Variants in DLEU7 observed in about 807,000 individuals in gnomAD.
DLEU7 encodes deleted in lymphocytic leukemia 7.
Under a neutral mutation model 16.0 loss-of-function variants are expected in DLEU7, and 17 were observed. The ratio of observed to expected loss-of-function variants is 1.06; its 90% confidence interval spans 0.73 to 1.59. The LOEUF is 1.59. Among genes scored for constraint, DLEU7 ranks in the 40% most tolerant of loss-of-function variants. DLEU7 has a pLI of 0.00. For missense variants in DLEU7, 308 were observed against 314.9 expected, an observed-to-expected ratio of 0.98 and a Z score of 0.17; for synonymous variants, 113 against 139.8, an observed-to-expected ratio of 0.81 and a Z score of 1.35.
At chr13:50,764,310 G>T (rs1196708209) in intron 1 of DLEU7, among the ~76,000 whole-genome samples, 1 of 152,112 alleles carries the variant, frequency 6.6e-6, no homozygotes, top group Non-Finnish European at 1.5e-5. Context: ...AACAGTCTTG[G>T]TTTCCTTCTT....
intron 1 of DLEU7, among the ~76,000 whole-genome samples, chr13:50,754,464 T>G (rs1874690840): frequency 6.6e-6 from 1 of 152,232 alleles, no homozygotes; most frequent in Non-Finnish European, 1.5e-5. Flanking sequence ...GCTTCAAAGT[T>G]TGTTTTGTCT....
chr13:50,753,700 C>G (rs1022586751), intron 1 of DLEU7, among the ~76,000 whole-genome samples: 1 of 152,220 alleles, frequency 6.6e-6, no homozygotes, highest in Non-Finnish European at 1.5e-5. Context: ...TCCACACCTC[C>G]CTGCAAGCTG....
intron 1 of DLEU7, among the ~76,000 whole-genome samples, chr13:50,837,977 G>C (rs1877526826): frequency 6.6e-6 from 1 of 152,156 alleles, no homozygotes; most frequent in African/African-American, 2.4e-5. Flanking sequence ...TGGACCAAAA[G>C]GGTCAGCGGA....
intron 1 of DLEU7, among the ~76,000 whole-genome samples, chr13:50,754,159 T>C (rs1013351455): frequency 6.6e-6 from 1 of 152,224 alleles, no homozygotes; most frequent in African/African-American, 2.4e-5. Flanking sequence ...GATTATTGGA[T>C]GAAATGTTCT....
chr13:50,842,038 G>T (rs1877681094), intron 1 of DLEU7, among the ~76,000 whole-genome samples: 1 of 151,946 alleles, frequency 6.6e-6, no homozygotes. Flanking sequence ...GTAGAGGCGA[G>T]AGATGCTGCT....
chr13:50,719,856 T>A (rs1411942359), intron 1 of DLEU7: 2 of 152,212 alleles, frequency 1.3e-5, no homozygotes, highest in East Asian at 3.8e-4. Flanking sequence ...AGTTAAAGTA[T>A]CTTTTACAGT....
At chr13:50,762,214 AAAG>A (rs1874959441) in intron 1 of DLEU7, among the ~76,000 whole-genome samples, 1 of 151,324 alleles carries the variant, frequency 6.6e-6, no homozygotes, top group Admixed American at 6.6e-5. Flanking sequence ...AAAAAAAAGA[AAAG>A]AAAATATCAG....
chr13:50,768,480 T>C (rs890711769), intron 1 of DLEU7, among the ~76,000 whole-genome samples: 5 of 139,410 alleles, frequency 3.6e-5, no homozygotes, highest in African/African-American at 7.9e-5. Flanking sequence ...TTCCCCTTCC[T>C]GTGTCCAAGT....
At chr13:50,761,671 T>A (rs534087589) in intron 1 of DLEU7, among the ~76,000 whole-genome samples, 17 of 152,198 alleles carry the variant, frequency 1.1e-4, no homozygotes, top group African/African-American at 4.1e-4. Flanking sequence ...GTACCACAAG[T>A]TTTCATTGCC....
Position 50,726,850 on chromosome 13 carries a change from T to C in DLEU7, c.460-13610A>G, listed in dbSNP as rs1211458067. On this transcript the variant is annotated intron_variant, in intron 1 of 1. Transcript: ENST00000400393. The surrounding 1 kb of genome is among the most constrained non-coding windows in gnomAD (Gnocchi z 4.0). The stretch of plus-strand genomic sequence containing the variant: ...CATAACTGAGCCTGGAGACTTCATG[T>C]TTCTAGACTTACTGAGATTCTTGGA... Among the ~76,000 whole-genome samples the C allele has an allele frequency of 6.6e-6, 1 of 152,182 alleles. No individual in the cohort carries two copies. The highest frequency in any genetic ancestry group is 2.4e-5 in the African/African-American group (1 of 41,452).
At chr13:50,773,321 G>A (rs1875386963) in intron 1 of DLEU7, among the ~76,000 whole-genome samples, 1 of 152,148 alleles carries the variant, frequency 6.6e-6, no homozygotes, top group Non-Finnish European at 1.5e-5. Context: ...CTGGCAAAGA[G>A]CTGTGATCCT....
chr13:50,779,465 A>C (rs1482273568), intron 1 of DLEU7, among the ~76,000 whole-genome samples: 1 of 152,206 alleles, frequency 6.6e-6, no homozygotes, highest in Admixed American at 6.5e-5. Flanking sequence ...AAAAACAGGC[A>C]GAAAATGAGG....
At chr13:50,783,476 C>T (rs1875712442) in intron 1 of DLEU7, among the ~76,000 whole-genome samples, 1 of 152,170 alleles carries the variant, frequency 6.6e-6, no homozygotes, top group Non-Finnish European at 1.5e-5. Context: ...CATCTCACTC[C>T]AAGTTATAAT....
chr13:50,830,610 A>C (rs1877231826), intron 1 of DLEU7, among the ~76,000 whole-genome samples: 1 of 152,228 alleles, frequency 6.6e-6, no homozygotes, highest in African/African-American at 2.4e-5. Flanking sequence ...TTTATTGTTC[A>C]AAATTCATTT....
intron 1 of DLEU7, among the ~76,000 whole-genome samples, chr13:50,776,722 G>C (rs1278564255): frequency 1.3e-5 from 2 of 152,084 alleles, no homozygotes; most frequent in Non-Finnish European, 2.9e-5. Flanking sequence ...AAAGAGTTTG[G>C]CTAAACATTT....
At chr13:50,806,270 A>G (rs373618662) in intron 1 of DLEU7, among the ~76,000 whole-genome samples, 160 of 152,266 alleles carry the variant, frequency 1.1e-3, no homozygotes, top group African/African-American at 3.6e-3. Flanking sequence ...TTAGCTCTGC[A>G]TGTTAAAATT....
At chr13:50,761,388 G>A (rs1874924949) in intron 1 of DLEU7, among the ~76,000 whole-genome samples, 1 of 151,668 alleles carries the variant, frequency 6.6e-6, no homozygotes, top group Non-Finnish European at 1.5e-5. Context: ...TTTATCAAAA[G>A]GGGTGGAGTG....
chr13:50,798,604 T>C (rs989863821), intron 1 of DLEU7, among the ~76,000 whole-genome samples: 1 of 152,154 alleles, frequency 6.6e-6, no homozygotes, highest in Non-Finnish European at 1.5e-5. Context: ...CTTTGTACTA[T>C]ATTTGGGCTG....
intron 1 of DLEU7, among the ~76,000 whole-genome samples, chr13:50,771,719 G>A (rs1238182890): frequency 6.6e-6 from 1 of 152,194 alleles, no homozygotes; most frequent in Admixed American, 6.5e-5. Context: ...CTGATGTGGT[G>A]CTGAGAAGAA....
Sources: gnomAD v4.1 joint callset for allele counts (sites outside exome capture counted in the v4.1 genomes callset) on GRCh38, gnomAD v4.1.1 for gene constraint, Gnocchi (gnomAD v3.1) non-coding constraint, MANE v1.5 for transcripts, NCBI Gene and HGNC (gene_info 2026-07-23, HGNC 2026-07-21) for gene names.